The following ZNF502 variants were observed in gnomAD, a reference collection of about 807,000 sequenced individuals.
The protein encoded by ZNF502 is zinc finger protein 502.
Under a neutral mutation model 43.6 loss-of-function variants are expected in ZNF502, and 29 were observed. That is an observed-to-expected ratio of 0.67 (90% confidence interval 0.50 to 0.91). The LOEUF is 0.91. Among genes scored for constraint, ZNF502 ranks in the 40% least tolerant of loss-of-function variants. The pLI, the probability that ZNF502 is intolerant of heterozygous loss-of-function variation, is 0.00. For missense variants in ZNF502, 591 were observed against 647.2 expected (o/e 0.91, Z 0.94); for synonymous variants, 171 against 207.4 (o/e 0.82, Z 1.51).
chr3:44,718,244 C>A (rs1575540062), intron 1 of ZNF502, among the ~76,000 whole-genome samples: 7 of 152,316 alleles, frequency 4.6e-5, no homozygotes, highest in Admixed American at 6.5e-5. Context: ...CTCTCTCACC[C>A]TTCCCACCAA....
intron 1 of ZNF502, among the ~76,000 whole-genome samples, chr3:44,715,524 T>C (rs961267046): frequency 6.6e-5 from 10 of 152,184 alleles, no homozygotes; most frequent in African/African-American, 1.9e-4. Context: ...GGCAAAAGTT[T>C]ACCATAATTT....
intron 2 of ZNF502, 34 bp downstream of exon 2, chr3:44,720,350 A>G (rs1398699936): frequency 8.1e-6 from 13 of 1,602,176 alleles, no homozygotes; most frequent in Non-Finnish European, 5.1e-6. Context: ...TGGGAGAAAT[A>G]GTCAGCCAAT....
chr3:44,720,412 AAAT>A (rs1704281112), intron 2 of ZNF502, 96 bp downstream of exon 2: 4 of 1,275,496 alleles, frequency 3.1e-6, no homozygotes, highest in Non-Finnish European at 4.4e-6. Flanking sequence ...TCAGGAGATA[AAAT>A]AACTGTCTCT....
Position 44,722,815 on chromosome 3 carries a change from A to G in ZNF502, c.*363A>G, listed in dbSNP as rs774848180. The G allele has an allele frequency of 1.9e-5, 4 of 206,938 alleles. No homozygotes were observed. The highest frequency in any genetic ancestry group is 2.9e-5 in the Non-Finnish European group (3 of 102,274). 12.8% of individuals were successfully genotyped at this position (206,938 alleles called of 1,614,324 possible). ...CATTTTCGTTGGCTGGCAGGTTGAG[A>G]TGTTTTTCTTAAACACTGCCTGTCA... On this transcript the variant is annotated 3_prime_UTR_variant, in exon 3 of 3. Coordinates refer to ENST00000436624, the MANE Select transcript of ZNF502 (RefSeq NM_001134442.3).
chr3:44,722,094 A>G lies in ZNF502; in HGVS notation c.1277A>G (p.Gln426Arg). The change falls in exon 3 of 3, where the codon CAG (glutamine) becomes CGG (arginine). Residue 426 changes from glutamine (Q) to arginine (R), a missense_variant. By Grantham distance (43) the Gln-to-Arg change is conservative. Transcript: ENST00000436624. Reference sequence around the variant, plus strand: ...CAGAGCATTTGCCTTATTCGGCACCAGAGAAGTCACACTGGAGAAAAACCC... The same window carrying G: ...CAGAGCATTTGCCTTATTCGGCACCGGAGAAGTCACACTGGAGAAAAACCC... ...FIQSICLIRH[Q>R]RSHTGEKPYK... 2 of 1,614,228 alleles carry G rather than the reference A, an allele frequency of 1.2e-6. No individual in the cohort carries two copies. The highest frequency in any genetic ancestry group is 1.7e-6 in the Non-Finnish European group (2 of 1,180,042).
intron 1 of ZNF502, among the ~76,000 whole-genome samples, chr3:44,713,519 G>T (rs77476614): frequency 0.017 from 2,551 of 151,962 alleles, 47 homozygotes; most frequent in African/African-American, 0.039. Context: ...TGAAGCATTT[G>T]TGCTAATTGA....
rs1284171507 is a variant in ZNF502 at position 44,722,580 on chromosome 3, T to C, written c.*128T>C. The C allele has an allele frequency of 2.3e-6, 3 of 1,278,116 alleles. No homozygotes were observed. In the African/African-American group the frequency reaches 4.5e-5, roughly 19 times the overall value. 79.2% of individuals were successfully genotyped at this position (1,278,116 alleles called of 1,614,324 possible). On this transcript the variant is annotated 3_prime_UTR_variant, in exon 3 of 3. Coordinates refer to ENST00000436624, the MANE Select transcript of ZNF502 (RefSeq NM_001134442.3). ...CTTGGCTACTGTACTCTGAGAGGAATGTTTCCAGAAATGGAGGTGGGAGCT... is the reference window on the plus strand; with the variant it reads ...CTTGGCTACTGTACTCTGAGAGGAACGTTTCCAGAAATGGAGGTGGGAGCT...
intron 1 of ZNF502, among the ~76,000 whole-genome samples, chr3:44,719,225 A>G (rs12497151): frequency 0.6 from 91,591 of 152,066 alleles, 28,118 homozygotes; most frequent in East Asian, 0.89. Context: ...CGCCTGCCTC[A>G]GCCTCCCAAA....
At position 44,722,377 on chromosome 3, in the gene ZNF502, G is replaced by A; in HGVS notation, c.1560G>A (p.Glu520=). ...TTCACACTGGTGAGAAGCCTTATGA[G>A]TGTATTGAGTGTGGAAAGTTCTTCA... The part of the protein sequence containing the change: ...YRIHTGEKPY[E]CIECGKFFRH... Residue 520 remains glutamate, a synonymous_variant, in exon 3 of 3, where the codon GAG becomes GAA. Coordinates refer to ENST00000436624, the MANE Select transcript of ZNF502 (RefSeq NM_001134442.3). 6.2e-7 allele frequency: 1 copy of A among 1,614,232 alleles called. No individual in the cohort carries two copies.
rs1161799795 is a variant in ZNF502 at position 44,721,080 on chromosome 3, T to G, written c.263T>G (p.Phe88Cys). Reference sequence around the variant, plus strand: ...GAAGGAGGTTTTGGGAGAATAACTTTCATCCACAAAGAAGCACCCCCTGAA... The same window carrying G: ...GAAGGAGGTTTTGGGAGAATAACTTGCATCCACAAAGAAGCACCCCCTGAA... The part of the protein sequence containing the change: ...FQEGGFGRIT[F>C]IHKEAPPEII... The change falls in exon 3 of 3, where the codon TTC becomes TGC. Residue 88 changes from phenylalanine (F) to cysteine (C), a missense_variant. Physicochemically the swap from Phe to Cys is radical, Grantham distance 205. Transcript: ENST00000436624. 6.2e-7 allele frequency: 1 copy of G among 1,614,130 alleles called. No individual in the cohort carries two copies. Among genetic ancestry groups the G allele is most frequent in the Admixed American group, 1.7e-5 (1 of 60,008 alleles).
intron 1 of ZNF502, among the ~76,000 whole-genome samples, chr3:44,717,026 ATTG>A (rs1252940653): frequency 6.6e-6 from 1 of 152,066 alleles, no homozygotes; most frequent in Non-Finnish European, 1.5e-5. Context: ...TATACAGAGT[ATTG>A]TTTTTATGTG....
chr3:44,722,225 A>G lies in ZNF502; in HGVS notation c.1408A>G (p.Lys470Glu). ...EKPYKCKECG[K>E]AFAHSSSLTE... Reference sequence around the variant, plus strand: ...GCCCTATAAATGTAAAGAATGTGGGAAAGCCTTTGCTCATAGCTCATCTCT... The same window carrying G: ...GCCCTATAAATGTAAAGAATGTGGGGAAGCCTTTGCTCATAGCTCATCTCT... Residue 470 changes from lysine to glutamate, a missense_variant, in exon 3 of 3, where the codon AAA becomes GAA. Coordinates refer to ENST00000436624, the MANE Select transcript of ZNF502 (RefSeq NM_001134442.3). 6.2e-7 allele frequency: 1 copy of G among 1,614,234 alleles called. No homozygotes were observed. The highest frequency in any genetic ancestry group is 8.5e-7 in the Non-Finnish European group (1 of 1,180,054).
intron 1 of ZNF502, among the ~76,000 whole-genome samples, chr3:44,718,628 G>C (rs146635794): frequency 2.6e-5 from 4 of 152,198 alleles, no homozygotes; most frequent in African/African-American, 9.6e-5. Context: ...GATTCCTTTT[G>C]TATGTTCATT....
chr3:44,719,583 A>G (rs1704250053), intron 1 of ZNF502, among the ~76,000 whole-genome samples: 1 of 148,012 alleles, frequency 6.8e-6, no homozygotes, highest in Non-Finnish European at 1.5e-5. Flanking sequence ...AACTTATTTC[A>G]CAGTTAAATT....
rs1353092204 is a variant in ZNF502, at chr3:44,720,949, G to T, written c.132G>T (p.Arg44Ser). ...ACTCATCAGGGATAGTAGTAAAGAG[G>T]TTCCAAGAGGATGAATACCAAGATT... ...KIDSSGIVVK[R>S]FQEDEYQDST... The change falls in exon 3 of 3, where the codon AGG becomes AGT. Residue 44 changes from arginine to serine, a missense_variant. By Grantham distance (110) the Arg-to-Ser change is moderately radical (BLOSUM62 -1). Coordinates refer to ENST00000436624, the MANE Select transcript of ZNF502 (RefSeq NM_001134442.3). 6.2e-7 allele frequency: 1 copy of T among 1,614,020 alleles called. No individual in the cohort carries two copies. Among genetic ancestry groups the T allele is most frequent in the Non-Finnish European group, 8.5e-7 (1 of 1,180,014 alleles).
intron 1 of ZNF502, 103 bp from the exon 2 acceptor site, chr3:44,720,100 G>T: frequency 1.4e-6 from 1 of 724,548 alleles, no homozygotes. Flanking sequence ...GTTATTGTGT[G>T]TGTTATTAGA....
rs140703981 is a variant in ZNF502 at position 44,722,110 on chromosome 3, A to G, written c.1293A>G (p.Gly431=). Residue 431 remains glycine, a synonymous_variant, in exon 3 of 3, where the codon GGA becomes GGG. Coordinates refer to ENST00000436624, the MANE Select transcript of ZNF502 (RefSeq NM_001134442.3). ...TTCGGCACCAGAGAAGTCACACTGG[A>G]GAAAAACCCTATAAATGCAATGAAT... is the stretch of plus-strand genomic sequence containing the variant. ...CLIRHQRSHT[G]EKPYKCNECG... The G allele has an allele frequency of 1.5e-5, 25 of 1,614,062 alleles. No homozygotes were observed. Among genetic ancestry groups the G allele is most frequent in the African/African-American group, 2.7e-5 (2 of 74,946 alleles).
chr3:44,722,684 T>C lies in ZNF502; in HGVS notation c.*232T>C. 2.0e-6 allele frequency: 1 copy of C among 500,110 alleles called. No individual in the cohort carries two copies. The highest frequency in any genetic ancestry group is 3.8e-5 in the South Asian group (1 of 26,268). The allele number at this position is 500,110 out of a possible 1,614,324, so 31.0% of individuals were successfully genotyped here. ...AAATTCCTGCTTTTCAGATAAAGCCTACACATTGCCACTGTCTCCCCATGT... is the reference window on the plus strand; with the variant it reads ...AAATTCCTGCTTTTCAGATAAAGCCCACACATTGCCACTGTCTCCCCATGT... On this transcript the variant is annotated 3_prime_UTR_variant, in exon 3 of 3. Transcript: ENST00000436624.
chr3:44,722,122 T>C lies in ZNF502; in HGVS notation c.1305T>C (p.Tyr435=). 6 of 1,614,132 alleles carry C rather than the reference T, an allele frequency of 3.7e-6. No individual in the cohort carries two copies. The highest frequency in any genetic ancestry group is 5.1e-6 in the Non-Finnish European group (6 of 1,180,030). ...GAAGTCACACTGGAGAAAAACCCTATAAATGCAATGAATGTGGAAAGGGCT... is the reference window on the plus strand; with the variant it reads ...GAAGTCACACTGGAGAAAAACCCTACAAATGCAATGAATGTGGAAAGGGCT... ...HQRSHTGEKP[Y]KCNECGKGFN... Residue 435 remains tyrosine, a synonymous_variant, in exon 3 of 3, where the codon TAT becomes TAC. Coordinates refer to ENST00000436624, the MANE Select transcript of ZNF502 (RefSeq NM_001134442.3).
Sources: gnomAD v4.1 joint callset for allele counts (sites outside exome capture counted in the v4.1 genomes callset) on GRCh38, gnomAD v4.1.1 for gene constraint, MANE v1.5 for transcripts, NCBI Gene and HGNC (gene_info 2026-07-23, HGNC 2026-07-21) for gene names.